PPP3CA: variants seen among roughly 807,000 people sequenced by gnomAD.
PPP3CA encodes protein phosphatase 3 catalytic subunit alpha.
In PPP3CA, 14 loss-of-function variants were observed where a neutral mutation model predicts 66.5. That is an observed-to-expected ratio of 0.21 (90% confidence interval 0.14 to 0.33). The LOEUF is 0.33. Ranked by LOEUF, PPP3CA falls within the 10% of genes least tolerant of loss-of-function variation. PPP3CA has a pLI of 1.00. For synonymous variants in PPP3CA, 232 were observed against 226.2 expected (o/e 1.03, Z -0.23); for missense variants, 317 against 639.5 (o/e 0.50, Z 5.44).
chr4:101,215,204 C>G (rs1034069709), intron 1 of PPP3CA, among the ~76,000 whole-genome samples: 3 of 151,330 alleles, frequency 2.0e-5, no homozygotes, highest in Non-Finnish European at 2.9e-5. Context: ...TTACATTTAC[C>G]AAATGTAGTA....
chr4:101,089,848 T>C (rs2110246049), intron 6 of PPP3CA, among the ~76,000 whole-genome samples: 1 of 152,360 alleles, frequency 6.6e-6, no homozygotes, highest in Non-Finnish European at 1.5e-5. Context: ...TTCCTCTCTG[T>C]CACACTGCCT....
In PPP3CA at chr4:101,098,527, TAA is replaced by T. The variant is rs1730301135; in HGVS notation, c.497-17_497-16del. 2 of 1,580,276 alleles carry T rather than the reference TAA, an allele frequency of 1.3e-6. No individual in the cohort carries two copies. The highest frequency in any genetic ancestry group is 1.7e-6 in the Non-Finnish European group (2 of 1,164,484). Reference sequence around the variant, plus strand: ...CTTTATTTTACCTTTTAGAAGTGATTAAAAGAATACTTATGATTTATAGGCAG... The same window carrying T: ...CTTTATTTTACCTTTTAGAAGTGATTAAGAATACTTATGATTTATAGGCAG... On this transcript the variant is annotated splice_polypyrimidine_tract_variant and intron_variant, in intron 4 of 13. Coordinates refer to ENST00000394854, the MANE Select transcript of PPP3CA (RefSeq NM_000944.5).
At chr4:101,332,914 G>C (rs974854173) in intron 1 of PPP3CA, among the ~76,000 whole-genome samples, 11 of 152,258 alleles carry the variant, frequency 7.2e-5, no homozygotes, top group African/African-American at 2.6e-4. Context: ...GAAGTATGTG[G>C]AGGGAGGCAG....
intron 2 of PPP3CA, among the ~76,000 whole-genome samples, chr4:101,109,656 C>CAAA (rs33932766): frequency 1.1e-3 from 117 of 103,944 alleles, no homozygotes; most frequent in African/African-American, 3.8e-3. Flanking sequence ...ACCACTAAGG[C>CAAA]AAAAAAAAAA....
chr4:101,114,476 A>C (rs960795956), intron 2 of PPP3CA, among the ~76,000 whole-genome samples: 1 of 152,106 alleles, frequency 6.6e-6, no homozygotes, highest in African/African-American at 2.4e-5. Context: ...ATTTGGTGCA[A>C]TTAATCTAAT....
intron 1 of PPP3CA, among the ~76,000 whole-genome samples, chr4:101,320,525 A>G (rs972336428): frequency 7.9e-5 from 12 of 151,790 alleles, no homozygotes; most frequent in Non-Finnish European, 1.2e-4. Flanking sequence ...CACAGACAAT[A>G]TGTCAATGTT....
intron 1 of PPP3CA, among the ~76,000 whole-genome samples, chr4:101,204,374 C>G (rs558112780): frequency 6.6e-6 from 1 of 152,038 alleles, no homozygotes; most frequent in African/African-American, 2.4e-5. Context: ...CAGTGGCTCA[C>G]GCCTGTAATC....
At chr4:101,335,703 T>C (rs1729609044) in intron 1 of PPP3CA, among the ~76,000 whole-genome samples, 1 of 152,112 alleles carries the variant, frequency 6.6e-6, no homozygotes, top group African/African-American at 2.4e-5. Context: ...CTCGGGATGC[T>C]AAACTGGGCC....
intron 1 of PPP3CA, among the ~76,000 whole-genome samples, chr4:101,229,345 G>C (rs1395359793): frequency 6.6e-6 from 1 of 151,638 alleles, no homozygotes; most frequent in Non-Finnish European, 1.5e-5. Context: ...TCTCCAGGCT[G>C]GGTCTAAGAA....
chr4:101,029,368 A>AAG (rs1726828817), intron 12 of PPP3CA, among the ~76,000 whole-genome samples, 173 bp from the exon 13 acceptor site: 2 of 104,522 alleles, frequency 1.9e-5, no homozygotes, highest in Admixed American at 9.2e-5. Context: ...AAAAAAAAAA[A>AAG]AAAAGAAAAA....
At chr4:101,162,849 A>G (rs1723563861) in intron 2 of PPP3CA, among the ~76,000 whole-genome samples, 1 of 152,138 alleles carries the variant, frequency 6.6e-6, no homozygotes. Flanking sequence ...TGCCTTTGAG[A>G]AACCTTAATT....
At chr4:101,053,808 G>A (rs182082594) in intron 10 of PPP3CA, among the ~76,000 whole-genome samples, 44 of 151,988 alleles carry the variant, frequency 2.9e-4, no homozygotes, top group African/African-American at 9.9e-4. Flanking sequence ...TTGATTCTAC[G>A]TCATAAGTCC....
At chr4:101,217,282 G>A (rs983427590) in intron 1 of PPP3CA, among the ~76,000 whole-genome samples, 1 of 152,066 alleles carries the variant, frequency 6.6e-6, no homozygotes, top group Non-Finnish European at 1.5e-5. Flanking sequence ...AGAAAAAGAG[G>A]TTAAATAACC....
intron 2 of PPP3CA, among the ~76,000 whole-genome samples, chr4:101,124,837 C>T (rs1262160116): frequency 2.0e-5 from 3 of 151,720 alleles, no homozygotes; most frequent in Non-Finnish European, 4.4e-5. Flanking sequence ...CATTTTACTA[C>T]CATGCTTTTA....
intron 2 of PPP3CA, among the ~76,000 whole-genome samples, chr4:101,145,713 C>T (rs1722949212): frequency 6.6e-6 from 1 of 151,896 alleles, no homozygotes; most frequent in Admixed American, 6.6e-5. Flanking sequence ...TTATTTCTTA[C>T]CCAACAATAA....
chr4:101,227,838 T>C (rs1245860619), intron 1 of PPP3CA, among the ~76,000 whole-genome samples: 1 of 151,800 alleles, frequency 6.6e-6, no homozygotes, highest in Admixed American at 6.6e-5. Flanking sequence ...CCTGCATTAA[T>C]TCATTTAGGA....
At chr4:101,290,111 A>G (rs747635451) in intron 1 of PPP3CA, among the ~76,000 whole-genome samples, 8 of 152,372 alleles carry the variant, frequency 5.3e-5, no homozygotes, top group Non-Finnish European at 1.2e-4. Context: ...GATGAGTGAC[A>G]TAAAGTTAAA....
At chr4:101,172,203 G>A (rs576833101) in intron 2 of PPP3CA, among the ~76,000 whole-genome samples, 4 of 152,248 alleles carry the variant, frequency 2.6e-5, no homozygotes, top group South Asian at 4.1e-4. Flanking sequence ...CTCAACATGA[G>A]TATGTCTAGA....
intron 9 of PPP3CA, among the ~76,000 whole-genome samples, chr4:101,062,542 A>G (rs1728511228): frequency 1.3e-5 from 2 of 152,050 alleles, no homozygotes; most frequent in Admixed American, 1.3e-4. Context: ...TATCACTGTT[A>G]GGCCTCCTGA....
Sources: gnomAD v4.1 joint callset for allele counts (sites outside exome capture counted in the v4.1 genomes callset) on GRCh38, gnomAD v4.1.1 for gene constraint, MANE v1.5 for transcripts, NCBI Gene and HGNC (gene_info 2026-07-23, HGNC 2026-07-21) for gene names.